The following MIS18BP1 variants were observed in gnomAD, a reference collection of about 807,000 sequenced individuals.
MIS18BP1 encodes the protein mis18-binding protein 1.
A neutral mutation model predicts 116.1 loss-of-function variants in MIS18BP1; 72 were observed. The ratio of observed to expected loss-of-function variants is 0.62; its 90% CI spans 0.51 to 0.75. The LOEUF (loss-of-function observed/expected upper bound fraction) is 0.75. Ranked by LOEUF, MIS18BP1 falls within the 30% of genes least tolerant of loss-of-function variation. MIS18BP1 has a pLI of 0.00. For synonymous variants in MIS18BP1, 386 were observed against 427.0 expected, an observed-to-expected ratio of 0.90 and a Z score of 1.18; for missense variants, 1,363 against 1,303.2, an observed-to-expected ratio of 1.05 and a Z score of -0.71.
chr14:45,221,009 C>T (rs1594508242), intron 11 of MIS18BP1, among the ~76,000 whole-genome samples: 1 of 152,042 alleles, frequency 6.6e-6, no homozygotes, highest in South Asian at 2.1e-4. Flanking sequence ...GTGGCACACA[C>T]CTGTAATCCC....
chr14:45,241,918 A>G (rs1891585215), intron 4 of MIS18BP1, 116 bp downstream of exon 4: 1 of 1,082,868 alleles, frequency 9.2e-7, no homozygotes, highest in Non-Finnish European at 1.3e-6. Context: ...TTAATAATGA[A>G]GCATACAGGT....
intron 15 of MIS18BP1, 100 bp downstream of exon 15, chr14:45,205,983 A>G: frequency 1.5e-6 from 1 of 676,184 alleles, no homozygotes; most frequent in South Asian, 2.2e-5. Flanking sequence ...CATTATAATC[A>G]CCTCAGGGAC....
intron 11 of MIS18BP1, 129 bp from the exon 12 acceptor site, chr14:45,218,583 A>G (rs1347234028): frequency 2.3e-6 from 2 of 874,022 alleles, no homozygotes; most frequent in Non-Finnish European, 3.3e-6. Context: ...ATCATTCTGG[A>G]TAACAATTAA....
At position 45,231,933 on chromosome 14, in the gene MIS18BP1, G is replaced by GA. The variant is rs551052570; in HGVS notation, c.1437-636dup. Among the ~76,000 whole-genome samples the GA allele has an allele frequency of 1.9e-4, 28 of 149,276 alleles. No individual in the cohort carries two copies. In the East Asian group the frequency reaches 2.7e-3, roughly 15 times the overall value. On this transcript the variant is annotated intron_variant, in intron 7 of 16. Transcript: ENST00000310806. ...CTCCATAACTACTGAGAAAATGAATGAAAAAAAAAGGAGGAAGAACTGCAC... is the reference window on the plus strand; with the variant it reads ...CTCCATAACTACTGAGAAAATGAATGAAAAAAAAAAGGAGGAAGAACTGCAC...
At chr14:45,232,529 T>A (rs1354717986) in intron 7 of MIS18BP1, 1 of 520,968 alleles carries the variant, frequency 1.9e-6, no homozygotes, top group Non-Finnish European at 3.5e-6. Flanking sequence ...GCACAGTGGC[T>A]CATGCCTGTA....
At chr14:45,228,718 A>G (rs1891193378) in intron 8 of MIS18BP1, among the ~76,000 whole-genome samples, 1 of 152,242 alleles carries the variant, frequency 6.6e-6, no homozygotes, top group African/African-American at 2.4e-5. Context: ...TTGCTCTTGA[A>G]AATATTACCA....
intron 15 of MIS18BP1, among the ~76,000 whole-genome samples, chr14:45,205,348 A>G (rs1890485084): frequency 6.6e-6 from 1 of 152,180 alleles, no homozygotes; most frequent in Admixed American, 6.5e-5. Flanking sequence ...AGTGTCATAA[A>G]GCAAGGGAAT....
intron 9 of MIS18BP1, among the ~76,000 whole-genome samples, chr14:45,227,291 A>C (rs1352512166): frequency 6.6e-6 from 1 of 151,772 alleles, no homozygotes; most frequent in Non-Finnish European, 1.5e-5. Context: ...GGTGAATCAC[A>C]AGGTCAGGAG....
At chr14:45,244,501 C>T (rs919887238) in intron 2 of MIS18BP1, among the ~76,000 whole-genome samples, 5 of 152,194 alleles carry the variant, frequency 3.3e-5, no homozygotes, top group Non-Finnish European at 7.3e-5. Flanking sequence ...CACACACACC[C>T]TCCTTTGTCC....
In MIS18BP1 at chr14:45,210,483, T is replaced by G; in HGVS notation, c.3049A>C (p.Asn1017His). ...GGAGTTGTTGGATTTTTGTCCATATTTGGCAGAATATCATCATCATCTTCA... is the reference window on the plus strand; with the variant it reads ...GGAGTTGTTGGATTTTTGTCCATATGTGGCAGAATATCATCATCATCTTCA... ...DSEDDDDILP[N>H]MDKNPTTPSS... Residue 1017 changes from asparagine (N) to histidine (H), a missense_variant, in exon 14 of 17, where the codon AAT becomes CAT. Asn to His is a moderately conservative substitution (Grantham distance 68). Transcript: ENST00000310806. 1 of 1,614,094 alleles carries G rather than the reference T, an allele frequency of 6.2e-7. No homozygotes were observed. The highest frequency in any genetic ancestry group is 8.5e-7 in the Non-Finnish European group (1 of 1,179,968).
At chr14:45,216,408 T>C (rs1022822407) in intron 13 of MIS18BP1, among the ~76,000 whole-genome samples, 2 of 152,196 alleles carry the variant, frequency 1.3e-5, no homozygotes, top group Non-Finnish European at 2.9e-5. Flanking sequence ...TAATTTACTT[T>C]ACTTTCTTGG....
At chr14:45,232,154 C>A (rs575913788) in intron 7 of MIS18BP1, among the ~76,000 whole-genome samples, 1 of 152,180 alleles carries the variant, frequency 6.6e-6, no homozygotes, top group East Asian at 1.9e-4. Flanking sequence ...CGGTGTCTCA[C>A]GCCTATAATC....
chr14:45,248,702 T>C (rs756503252), intron 1 of MIS18BP1, among the ~76,000 whole-genome samples: 1 of 152,116 alleles, frequency 6.6e-6, no homozygotes, highest in African/African-American at 2.4e-5. Context: ...TAATTTATGA[T>C]AATAGAGAAA....
chr14:45,250,340 A>G (rs1891835182), intron 1 of MIS18BP1, among the ~76,000 whole-genome samples: 1 of 152,078 alleles, frequency 6.6e-6, no homozygotes, highest in African/African-American at 2.4e-5. Context: ...GAATAGATAA[A>G]CAAGAAAAAC....
At chr14:45,253,006 G>A (rs1158344540) in intron 1 of MIS18BP1, 29 bp downstream of exon 1, 1 of 152,300 alleles carries the variant, frequency 6.6e-6, no homozygotes, top group African/African-American at 2.4e-5. Flanking sequence ...CGCGGTAGGA[G>A]GTTAGCGGAG....
At chr14:45,205,155 G>T (rs1890479971) in intron 15 of MIS18BP1, among the ~76,000 whole-genome samples, 1 of 152,030 alleles carries the variant, frequency 6.6e-6, no homozygotes, top group Non-Finnish European at 1.5e-5. Flanking sequence ...AGAAATTTTT[G>T]AGATACAAAT....
At position 45,221,161 on chromosome 14, in the gene MIS18BP1, G is replaced by A. The variant is rs750844843; in HGVS notation, c.2670-2707C>T. Among the ~76,000 whole-genome samples, 12 of 151,272 alleles carry A rather than the reference G, an allele frequency of 7.9e-5. No homozygotes were observed. The South Asian group carries it at 1.3e-3, about 16-fold the overall frequency. ...AAAAAGAAAAAAAATAAAAGAAGCC[G>A]GGCGCGGTGGCTCAAGCCTGTAATC... On this transcript the variant is annotated intron_variant, in intron 11 of 16. Coordinates refer to ENST00000310806, the MANE Select transcript of MIS18BP1 (RefSeq NM_018353.5).
In MIS18BP1 at chr14:45,203,979, T is replaced by C. The variant is rs140251888; in HGVS notation, c.*130A>G. The C allele has an allele frequency of 5.9e-6, 8 of 1,355,844 alleles. No individual in the cohort carries two copies. In the East Asian group the frequency reaches 1.9e-4, roughly 32 times the overall value. 84.0% of individuals were successfully genotyped at this position (1,355,844 alleles called of 1,614,324 possible). A position where few individuals can be genotyped will look rare whatever the true frequency, so the allele number is the denominator to read the frequency against. Reference sequence around the variant, plus strand: ...ATATTTTACTTTGAACACAAACATATGAAACCTTCAAAAAAGTCCACATTT... The same window carrying C: ...ATATTTTACTTTGAACACAAACATACGAAACCTTCAAAAAAGTCCACATTT... On this transcript the variant is annotated 3_prime_UTR_variant, in exon 17 of 17. Coordinates refer to ENST00000310806, the MANE Select transcript of MIS18BP1 (RefSeq NM_018353.5).
chr14:45,216,906 A>AC lies in MIS18BP1; in HGVS notation c.3003+112dup. The AC allele has an allele frequency of 2.7e-6, 3 of 1,105,972 alleles. No individual in the cohort carries two copies. The South Asian group carries it at 4.6e-5, about 17-fold the overall frequency. 68.5% of individuals were successfully genotyped at this position (1,105,972 alleles called of 1,614,324 possible). A position where few individuals can be genotyped will look rare whatever the true frequency, so the allele number is the denominator to read the frequency against. On this transcript the variant is annotated intron_variant, in intron 13 of 16. Transcript: ENST00000310806. ...TTGCCATAAGACTATGATCATGTCT[A>AC]CGGAGGCTACTGATCCTTGGCCTAA...
Sources: allele counts gnomAD v4.1 joint callset (sites outside exome capture counted in the v4.1 genomes callset), GRCh38; gene constraint gnomAD v4.1.1; transcripts MANE v1.5; gene names NCBI Gene and HGNC (gene_info 2026-07-23, HGNC 2026-07-21).